The following TGFBR3 variants were observed in gnomAD, a reference collection of about 807,000 sequenced individuals.
The protein encoded by TGFBR3 is transforming growth factor beta receptor type 3.
Under a neutral mutation model 87.9 loss-of-function variants are expected in TGFBR3, and 46 were observed. The ratio of observed to expected loss-of-function variants is 0.52; its 90% confidence interval spans 0.41 to 0.67. The LOEUF (loss-of-function observed/expected upper bound fraction) is 0.67. Among genes scored for constraint, TGFBR3 ranks in the 30% least tolerant of loss-of-function variants. The pLI, the probability that TGFBR3 is intolerant of heterozygous loss-of-function variation, is 0.00. For missense variants in TGFBR3, 866 were observed against 1,041.9 expected (o/e 0.83, Z 2.32); for synonymous variants, 381 against 391.6 (o/e 0.97, Z 0.32).
intron 2 of TGFBR3, among the ~76,000 whole-genome samples, chr1:91,893,659 G>A (rs1679491446): frequency 6.6e-6 from 1 of 151,326 alleles, no homozygotes; most frequent in African/African-American, 2.4e-5. Context: ...TTATTTTAGT[G>A]ACAATCTTAA....
intron 3 of TGFBR3, among the ~76,000 whole-genome samples, chr1:91,764,317 C>CAAAAAAAA (rs200776741): frequency 1.2e-4 from 9 of 77,360 alleles, no homozygotes; most frequent in South Asian, 5.1e-4. Flanking sequence ...ACAAAAGAGA[C>CAAAAAAAA]AAAAAAAAAA....
chr1:91,755,125 G>A (rs1366820606), intron 4 of TGFBR3: 2 of 152,150 alleles, frequency 1.3e-5, no homozygotes, highest in East Asian at 3.9e-4. Flanking sequence ...TGGGCCCTCT[G>A]AAGTGTTTGA....
At chr1:91,852,284 T>C (rs1677766681) in intron 2 of TGFBR3, among the ~76,000 whole-genome samples, 2 of 151,744 alleles carry the variant, frequency 1.3e-5, no homozygotes, top group Admixed American at 6.6e-5. Context: ...CATTAGGCTA[T>C]CCACCCCACC....
At chr1:91,702,240 T>A (rs149311090) in intron 14 of TGFBR3, among the ~76,000 whole-genome samples, 50 of 152,344 alleles carry the variant, frequency 3.3e-4, no homozygotes, top group African/African-American at 1.1e-3. Flanking sequence ...ATTTGTCCAC[T>A]ATACACCTAC....
intron 2 of TGFBR3, among the ~76,000 whole-genome samples, chr1:91,836,433 T>A (rs1401214179): frequency 8.3e-5 from 1 of 11,996 alleles, no homozygotes; most frequent in Non-Finnish European, 1.4e-4. Flanking sequence ...AGGAGTACAC[T>A]GTAAAATGTA....
chr1:91,784,706 G>A (rs12095721), intron 3 of TGFBR3, among the ~76,000 whole-genome samples: 1,695 of 152,298 alleles, frequency 0.011, 38 homozygotes, highest in African/African-American at 0.039. Context: ...GAATAAGGGC[G>A]TGGGGCAAGG....
intron 3 of TGFBR3, among the ~76,000 whole-genome samples, chr1:91,762,835 A>G (rs1192379093): frequency 6.6e-6 from 1 of 152,250 alleles, no homozygotes; most frequent in African/African-American, 2.4e-5. Context: ...AATTCAAAGC[A>G]GATCTTCTGA....
chr1:91,810,932 T>C (rs1293310738), intron 2 of TGFBR3, among the ~76,000 whole-genome samples: 1 of 152,140 alleles, frequency 6.6e-6, no homozygotes, highest in Non-Finnish European at 1.5e-5. Context: ...GGAAACTACA[T>C]CATTTGAGTG....
intron 2 of TGFBR3, among the ~76,000 whole-genome samples, chr1:91,822,293 TAAAAAAAAAAAAAA>T (rs71087974): frequency 1.1e-5 from 1 of 93,338 alleles, no homozygotes; most frequent in East Asian, 3.7e-4. Flanking sequence ...AGCAAAGCAT[TAAAAAAAAAAAAAA>T]AAAAAAAAAA....
intron 2 of TGFBR3, among the ~76,000 whole-genome samples, chr1:91,822,953 G>A (rs1676505694): frequency 6.6e-6 from 1 of 152,060 alleles, no homozygotes; most frequent in African/African-American, 2.4e-5. Context: ...AAATAAAGAT[G>A]AATAATGTCC....
intron 16 of TGFBR3, among the ~76,000 whole-genome samples, chr1:91,684,786 C>T (rs2100685213): frequency 6.6e-6 from 1 of 152,254 alleles, no homozygotes; most frequent in South Asian, 2.1e-4. Flanking sequence ...CAGGGCTCTC[C>T]AATAAAAAAC....
At position 91,682,404 on chromosome 1, in the gene TGFBR3, CTTTTTTTTTTT is replaced by C. The variant is rs59188054; in HGVS notation, c.*1324_*1334del. On this transcript the variant is annotated 3_prime_UTR_variant, in exon 17 of 17. Coordinates refer to ENST00000212355, the MANE Select transcript of TGFBR3 (RefSeq NM_003243.5). Reference sequence around the variant, plus strand: ...AGCATGATAATTCCCCCCTGGCATTCTTTTTTTTTTTTTTTTTTTTTAACAAGGAGGTATCA... The same window carrying C: ...AGCATGATAATTCCCCCCTGGCATTCTTTTTTTTTTAACAAGGAGGTATCA... 3.8e-6 allele frequency: 1 copy of C among 264,718 alleles called. No homozygotes were observed. The highest frequency in any genetic ancestry group is 7.3e-6 in the Non-Finnish European group (1 of 137,756). The allele number at this position is 264,718 out of a possible 1,614,324, so 16.4% of individuals were successfully genotyped here. A position where few individuals can be genotyped will look rare whatever the true frequency, so the allele number is the denominator to read the frequency against.
chr1:91,778,924 G>T (rs950725585), intron 3 of TGFBR3, among the ~76,000 whole-genome samples: 2 of 152,180 alleles, frequency 1.3e-5, no homozygotes, highest in African/African-American at 4.8e-5. Flanking sequence ...CCTCTCAGTG[G>T]AGGTAATGGC....
At chr1:91,876,516 G>A (rs936420422) in intron 1 of TGFBR3, among the ~76,000 whole-genome samples, 4 of 152,132 alleles carry the variant, frequency 2.6e-5, no homozygotes, top group Non-Finnish European at 5.9e-5. Flanking sequence ...TCCTCCAGCA[G>A]AATAATGCTA....
In TGFBR3 at chr1:91,705,574, A is replaced by T. The variant is rs183781182; in HGVS notation, c.2287+3089T>A. 2.6e-5 allele frequency among the ~76,000 whole-genome samples: 4 copies of T among 152,322 alleles called. No individual in the cohort carries two copies. In the East Asian group the frequency reaches 7.7e-4, roughly 29 times the overall value. On this transcript the variant is annotated intron_variant, in intron 14 of 16. Transcript: ENST00000212355. Reference sequence around the variant, plus strand: ...CTATTCCAATTCACCTTGAGGCAGAAAGCACAGACTCCAGTGGTCTGCATT... The same window carrying T: ...CTATTCCAATTCACCTTGAGGCAGATAGCACAGACTCCAGTGGTCTGCATT...
chr1:91,722,381 A>G (rs545196953), intron 7 of TGFBR3, among the ~76,000 whole-genome samples: 15 of 152,340 alleles, frequency 9.8e-5, no homozygotes, highest in Admixed American at 2.0e-4. Context: ...TGCTGATAAA[A>G]AAAATCATCC....
chr1:91,827,934 A>G (rs1310500590), intron 2 of TGFBR3, among the ~76,000 whole-genome samples: 1 of 152,106 alleles, frequency 6.6e-6, no homozygotes, highest in Admixed American at 6.6e-5. Flanking sequence ...CACAGGCATA[A>G]CTCCCAACGG....
intron 16 of TGFBR3, chr1:91,695,419 G>A (rs1016090518): frequency 4.2e-6 from 2 of 473,512 alleles, no homozygotes; most frequent in Non-Finnish European, 3.9e-6. Context: ...TAACAACAAA[G>A]TAGCTTTATT....
intron 12 of TGFBR3, among the ~76,000 whole-genome samples, chr1:91,712,898 G>A (rs1672033153): frequency 6.6e-6 from 1 of 152,178 alleles, no homozygotes; most frequent in Non-Finnish European, 1.5e-5. Flanking sequence ...TAAAACACCA[G>A]TAGGCAAAGT....
Sources: gnomAD v4.1 joint callset for allele counts (sites outside exome capture counted in the v4.1 genomes callset) on GRCh38, gnomAD v4.1.1 for gene constraint, MANE v1.5 for transcripts, NCBI Gene and HGNC (gene_info 2026-07-23, HGNC 2026-07-21) for gene names.